The following CSGALNACT1 variants were observed in gnomAD, a reference collection of about 807,000 sequenced individuals.
The protein encoded by CSGALNACT1 is beta4GalNAcT-1.
A neutral mutation model predicts 51.0 loss-of-function variants in CSGALNACT1; 52 were observed. The observed-to-expected ratio is 1.02, with a 90% CI of 0.82 to 1.29. CSGALNACT1 has a LOEUF of 1.29. Among genes scored for constraint, CSGALNACT1 ranks in the 50% most tolerant of loss-of-function variants. The pLI is 0.00. For synonymous variants in CSGALNACT1, 341 were observed against 254.4 expected, an observed-to-expected ratio of 1.34 and a Z score of -3.24; for missense variants, 935 against 679.2, an observed-to-expected ratio of 1.38 and a Z score of -4.19.
At chr8:19,532,820 C>G (rs776455466) in intron 3 of CSGALNACT1, among the ~76,000 whole-genome samples, 6 of 152,150 alleles carry the variant, frequency 3.9e-5, no homozygotes, top group Non-Finnish European at 5.9e-5. Context: ...TCAGATCCAT[C>G]TACACCAAAG....
chr8:19,599,520 G>GAAAGAAAGAAAGAAAGAAAGAAAGA (rs1554751495), intron 2 of CSGALNACT1, among the ~76,000 whole-genome samples: 12 of 127,154 alleles, frequency 9.4e-5, no homozygotes, highest in African/African-American at 3.5e-4. Context: ...AAGAAAGAAA[G>GAAAGAAAGAAAGAAAGAAAGAAAGA]AAAGAAAAGA....
intron 6 of CSGALNACT1, among the ~76,000 whole-genome samples, chr8:19,439,582 C>T (rs2060965508): frequency 6.6e-6 from 1 of 152,212 alleles, no homozygotes; most frequent in Admixed American, 6.5e-5. Flanking sequence ...CTCCCCTCAC[C>T]CCTGCTGTGC....
intron 3 of CSGALNACT1, among the ~76,000 whole-genome samples, chr8:19,517,747 C>T (rs553366581): frequency 6.6e-6 from 1 of 152,242 alleles, no homozygotes; most frequent in South Asian, 2.1e-4. Context: ...GACTTATTCA[C>T]TATCAGGAGA....
intron 1 of CSGALNACT1, among the ~76,000 whole-genome samples, chr8:19,680,093 T>TGTTATAGATTTCTATGTCAACCTCC (rs1360050706): frequency 6.6e-6 from 1 of 152,186 alleles, no homozygotes; most frequent in Non-Finnish European, 1.5e-5. Context: ...ACAGGAATAA[T>TGTTATAGATTTCTATGTCAACCTCC]GTTATAGATT....
At chr8:19,405,586 C>T (rs537851803) in exon 10 of CSGALNACT1, 38 of 780,722 alleles carry the variant, frequency 4.9e-5, no homozygotes, top group Non-Finnish European at 8.2e-5. Context: ...AACTGGGTTA[C>T]TTTTGCAGGC....
At chr8:19,599,478 AAG>A (rs1353972786) in intron 2 of CSGALNACT1, among the ~76,000 whole-genome samples, 8 of 92,832 alleles carry the variant, frequency 8.6e-5, no homozygotes, top group South Asian at 3.1e-4. Flanking sequence ...AAGAAAAAGA[AAG>A]AAAGAAAGAA....
intron 1 of CSGALNACT1, among the ~76,000 whole-genome samples, chr8:19,715,581 G>A (rs1326071700): frequency 1.3e-5 from 2 of 152,174 alleles, no homozygotes; most frequent in African/African-American, 4.8e-5. Flanking sequence ...ATAGGGCTGT[G>A]ATGAACATTT....
intron 1 of CSGALNACT1, among the ~76,000 whole-genome samples, chr8:19,634,537 C>T (rs369931093): frequency 8.5e-5 from 13 of 152,230 alleles, no homozygotes; most frequent in African/African-American, 1.2e-4. Context: ...TGATGCACAC[C>T]GGTAGTCCCA....
intron 3 of CSGALNACT1, among the ~76,000 whole-genome samples, chr8:19,542,200 A>AACACACACAC (rs55968136): frequency 0.03 from 4,319 of 143,980 alleles, 79 homozygotes; most frequent in African/African-American, 0.04. Context: ...CAGCACAAGA[A>AACACACACAC]ACACACACAC....
chr8:19,667,013 AAGAAAGGAAGGAAGGAAGGAAGG>A lies in CSGALNACT1; in HGVS notation c.-544+15437_-544+15459del, dbSNP rs1564386256. ...AAAGAAAGAAAGAAAGAAAGAAAGA[AAGAAAGGAAGGAAGGAAGGAAGG>A]AAGGAAGAAAGAAAGAAAGAAAGAA... On this transcript the variant is annotated intron_variant, in intron 1 of 9. Coordinates refer to the CSGALNACT1 transcript ENST00000332246. Among the ~76,000 whole-genome samples, 23 of 40,588 alleles carry A rather than the reference AAGAAAGGAAGGAAGGAAGGAAGG, an allele frequency of 5.7e-4. 2 individuals carry two copies. Among genetic ancestry groups the A allele is most frequent in the African/African-American group, 3.0e-3 (20 of 6,664 alleles). The allele number at this position is 40,588 out of a possible 152,430, so 26.6% of individuals were successfully genotyped here. A position where few individuals can be genotyped will look rare whatever the true frequency, so the allele number is the denominator to read the frequency against.
chr8:19,554,359 G>A (rs2089143335), intron 3 of CSGALNACT1, among the ~76,000 whole-genome samples: 1 of 152,082 alleles, frequency 6.6e-6, no homozygotes, highest in South Asian at 2.1e-4. Context: ...GGAGAGTCAG[G>A]TACACATAAC....
chr8:19,521,998 C>A (rs1587770389), intron 3 of CSGALNACT1, among the ~76,000 whole-genome samples: 1 of 152,150 alleles, frequency 6.6e-6, no homozygotes, highest in East Asian at 1.9e-4. Flanking sequence ...GCAGTCAATG[C>A]AGTGGTTGAC....
chr8:19,653,419 G>A (rs930677109), intron 1 of CSGALNACT1, among the ~76,000 whole-genome samples: 1 of 152,052 alleles, frequency 6.6e-6, no homozygotes, highest in South Asian at 2.1e-4. Context: ...GGCCTGTTGT[G>A]TGCCTCAGGG....
intron 1 of CSGALNACT1, among the ~76,000 whole-genome samples, chr8:19,691,344 C>T (rs980122915): frequency 3.3e-5 from 5 of 152,140 alleles, no homozygotes; most frequent in South Asian, 4.1e-4. Context: ...CTGTTTTTGA[C>T]AACACAGCCA....
intron 4 of CSGALNACT1, among the ~76,000 whole-genome samples, chr8:19,503,092 A>T (rs1222894513): frequency 2.0e-5 from 3 of 152,218 alleles, no homozygotes; most frequent in Admixed American, 6.5e-5. Context: ...TTGCCTCCAC[A>T]ATCTTGTGGT....
At chr8:19,600,114 T>C (rs919804674) in intron 2 of CSGALNACT1, among the ~76,000 whole-genome samples, 1 of 152,102 alleles carries the variant, frequency 6.6e-6, no homozygotes, top group Admixed American at 6.6e-5. Flanking sequence ...GAGACAGAGT[T>C]TGCTGTTGCC....
In CSGALNACT1 at chr8:19,649,828, A is replaced by AAAAAAAAAAC. The variant is rs1415953292; in HGVS notation, c.-544+32644_-544+32645insGTTTTTTTTT. The stretch of plus-strand genomic sequence containing the variant: ...AATGCATTCCAAGTAGCAAAAAAAA[A>AAAAAAAAAAC]AAAAAAAAAAAAAAAAACCACGGGG... On this transcript the variant is annotated intron_variant, in intron 1 of 9. Transcript: ENST00000332246. Among the ~76,000 whole-genome samples the AAAAAAAAAAC allele has an allele frequency of 6.9e-5, 10 of 145,432 alleles. 1 individual carries two copies. The highest frequency in any genetic ancestry group is 1.5e-4 in the Non-Finnish European group (10 of 66,428).
chr8:19,440,760 A>T (rs1353834535), intron 5 of CSGALNACT1, among the ~76,000 whole-genome samples: 1 of 151,908 alleles, frequency 6.6e-6, no homozygotes, highest in African/African-American at 2.4e-5. Flanking sequence ...TTCAATTAGG[A>T]AAAGAGGAAG....
chr8:19,604,671 G>A (rs1232157102), upstream of CSGALNACT1, among the ~76,000 whole-genome samples: 1 of 151,554 alleles, frequency 6.6e-6, no homozygotes, highest in African/African-American at 2.4e-5. Context: ...ACTTTGGGAG[G>A]CCGAGGCGGG....
Sources: gnomAD v4.1 joint callset for allele counts (sites outside exome capture counted in the v4.1 genomes callset) on GRCh38, gnomAD v4.1.1 for gene constraint, MANE v1.5 for transcripts, NCBI Gene and HGNC (gene_info 2026-07-23, HGNC 2026-07-21) for gene names.